Variants in MED12L observed in about 807,000 individuals in gnomAD.
MED12L encodes mediator of RNA polymerase II transcription subunit 12-like protein.
MED12L carries 60 observed loss-of-function variants against 281.3 expected under a neutral mutation model. That is an observed-to-expected ratio of 0.21 (90% confidence interval 0.17 to 0.26). MED12L has a LOEUF of 0.26. Ranked by LOEUF, MED12L falls within the 10% of genes least tolerant of loss-of-function variation. MED12L has a pLI of 1.00. For synonymous variants in MED12L, 974 were observed against 987.2 expected (o/e 0.99, Z 0.25); for missense variants, 2,146 against 2,680.9 (o/e 0.80, Z 4.41).
chr3:151,144,405 A>G (rs1026748380), intron 5 of MED12L, among the ~76,000 whole-genome samples: 2 of 152,212 alleles, frequency 1.3e-5, no homozygotes, highest in African/African-American at 4.8e-5. Flanking sequence ...ACAGCCCAGC[A>G]ACCTCACAGG....
chr3:151,210,243 G>A (rs1406202809), intron 16 of MED12L, among the ~76,000 whole-genome samples: 1 of 152,212 alleles, frequency 6.6e-6, no homozygotes, highest in African/African-American at 2.4e-5. Context: ...CCTAGAGTCA[G>A]TTATGGCTGG....
At chr3:151,171,527 C>T (rs1297068831) in intron 11 of MED12L, among the ~76,000 whole-genome samples, 1 of 152,176 alleles carries the variant, frequency 6.6e-6, no homozygotes, top group African/African-American at 2.4e-5. Context: ...ACAGAGTGTT[C>T]CTGCAGCAGC....
intron 16 of MED12L, chr3:151,328,558 G>A (rs770764378): frequency 1.9e-6 from 3 of 1,613,652 alleles, no homozygotes; most frequent in South Asian, 1.1e-5. Context: ...AGAACCAGAT[G>A]AAGATTGAGA....
intron 2 of MED12L, among the ~76,000 whole-genome samples, chr3:151,113,196 G>C (rs1050312503): frequency 9.9e-5 from 15 of 152,192 alleles, no homozygotes; most frequent in African/African-American, 3.6e-4. Context: ...TGAGCAAAAA[G>C]TTAAGGTGGT....
At chr3:151,098,574 TCTTTACATGGTCTTCTCCA>T (rs1205497604) in intron 2 of MED12L, among the ~76,000 whole-genome samples, 1 of 152,210 alleles carries the variant, frequency 6.6e-6, no homozygotes, top group Non-Finnish European at 1.5e-5. Context: ...TTTGCCTCCA[TCTTTACATGGTCTTCTCCA>T]CTTTACATGG....
intron 39 of MED12L, among the ~76,000 whole-genome samples, chr3:151,406,670 TAAAACTATATACA>T (rs1716347178): frequency 6.6e-6 from 1 of 152,250 alleles, no homozygotes; most frequent in Admixed American, 6.5e-5. Flanking sequence ...GAACATGGTA[TAAAACTATATACA>T]AAAACTATAT....
chr3:151,255,222 CAG>C (rs951802981), intron 16 of MED12L, among the ~76,000 whole-genome samples: 50 of 152,154 alleles, frequency 3.3e-4, no homozygotes, highest in African/African-American at 8.7e-4. Context: ...AGCCATATAA[CAG>C]GGGATGTGAG....
chr3:151,332,324 A>T (rs1750439691), intron 16 of MED12L, among the ~76,000 whole-genome samples: 1 of 152,208 alleles, frequency 6.6e-6, no homozygotes, highest in Non-Finnish European at 1.5e-5. Flanking sequence ...GAACTCCTAT[A>T]CTTCTATACT....
chr3:151,337,789 G>C (rs759521674), intron 16 of MED12L: 4 of 1,607,088 alleles, frequency 2.5e-6, no homozygotes, highest in African/African-American at 1.3e-5. Flanking sequence ...AACACAAAGA[G>C]ATTGAAATAT....
intron 16 of MED12L, chr3:151,198,444 A>C (rs966012952): frequency 6.2e-7 from 1 of 1,606,896 alleles, no homozygotes; most frequent in African/African-American, 1.3e-5. Context: ...TTATTTTCAC[A>C]TCTTAATTTT....
chr3:151,338,427 C>A (rs897116062), intron 16 of MED12L: 1 of 1,613,990 alleles, frequency 6.2e-7, no homozygotes, highest in Non-Finnish European at 8.5e-7. Context: ...AATCTTAGCC[C>A]CCAAGAGATT....
chr3:151,355,898 T>A lies in MED12L; in HGVS notation c.2520T>A (p.Ile840=). The A allele has an allele frequency of 1.9e-6, 3 of 1,608,092 alleles. No homozygotes were observed. The highest frequency in any genetic ancestry group is 2.5e-6 in the Non-Finnish European group (3 of 1,178,378). The change falls in exon 19 of 45, where the codon ATT becomes ATA. Residue 840 remains isoleucine (I), a splice_region_variant and synonymous_variant. Transcript: ENST00000687756. ...TATTTTTGTTTTTATTTGCACAGATTTCTAACAATGTGCTAGAACAAATCA... is the reference window on the plus strand; with the variant it reads ...TATTTTTGTTTTTATTTGCACAGATATCTAACAATGTGCTAGAACAAATCA... ...YFDQHQVTSQ[I]SNNVLEQITS...
intron 11 of MED12L, among the ~76,000 whole-genome samples, chr3:151,169,312 G>T (rs1040625770): frequency 6.6e-6 from 1 of 151,506 alleles, no homozygotes; most frequent in African/African-American, 2.4e-5. Flanking sequence ...GTATAGATTG[G>T]GTTTCACCAT....
At chr3:151,258,091 G>C (rs1738162879) in intron 16 of MED12L, among the ~76,000 whole-genome samples, 1 of 152,098 alleles carries the variant, frequency 6.6e-6, no homozygotes, top group South Asian at 2.1e-4. Context: ...CCAATCTGTG[G>C]GTCCCTGAGT....
At chr3:151,327,988 T>C in intron 16 of MED12L, 1 of 1,541,478 alleles carries the variant, frequency 6.5e-7, no homozygotes, top group Non-Finnish European at 8.7e-7. Flanking sequence ...CTATGTACAG[T>C]TGTCAGCCTA....
chr3:151,213,481 A>G (rs1422097265), intron 16 of MED12L: 1 of 1,614,058 alleles, frequency 6.2e-7, no homozygotes, highest in African/African-American at 1.3e-5. Flanking sequence ...TAGCAGAGTG[A>G]ATTCTTTCAT....
At chr3:151,266,260 A>G (rs1321552652) in intron 16 of MED12L, among the ~76,000 whole-genome samples, 1 of 152,222 alleles carries the variant, frequency 6.6e-6, no homozygotes, top group African/African-American at 2.4e-5. Flanking sequence ...GGTATTCAAC[A>G]TCTTCTATTA....
intron 16 of MED12L, among the ~76,000 whole-genome samples, chr3:151,345,141 G>A (rs887597970): frequency 1.3e-5 from 2 of 152,200 alleles, no homozygotes; most frequent in Admixed American, 1.3e-4. Context: ...GAGAAAGAAA[G>A]TAATTGATCT....
rs574299375 is a variant in MED12L at position 151,185,865 on chromosome 3, T to TA, written c.1626+408dup. ...TCTAAAAAAGTAAATAAATAAAAGA[T>TA]AAAATAATACAATTTTAGCATCTGA... On this transcript the variant is annotated intron_variant, in intron 12 of 44. Coordinates refer to ENST00000687756, the MANE Select transcript of MED12L (RefSeq NM_001393769.1). Among the ~76,000 whole-genome samples the TA allele has an allele frequency of 8.7e-4, 133 of 152,232 alleles. 2 individuals carry two copies. The Middle Eastern group carries it at 0.034, about 39-fold the overall frequency.
Sources: gnomAD v4.1 joint callset for allele counts (sites outside exome capture counted in the v4.1 genomes callset) on GRCh38, gnomAD v4.1.1 for gene constraint, MANE v1.5 for transcripts, NCBI Gene and HGNC (gene_info 2026-07-23, HGNC 2026-07-21) for gene names.